Variants in TRAF2 observed in about 807,000 individuals in gnomAD.
TRAF2 encodes the protein TNF receptor associated factor 2, also known as TNF receptor-associated factor 2.
A neutral mutation model predicts 55.6 loss-of-function variants in TRAF2; 6 were observed. The ratio of observed to expected loss-of-function variants is 0.11; its 90% confidence interval spans 0.06 to 0.21. The LOEUF (loss-of-function observed/expected upper bound fraction) is 0.21, where lower values mean the gene tolerates loss of function less well. Among genes scored for constraint, TRAF2 ranks in the 10% least tolerant of loss-of-function variants. The pLI, the probability that TRAF2 is intolerant of heterozygous loss-of-function variation, is 1.00. For synonymous variants in TRAF2, 329 were observed against 276.3 expected (o/e 1.19, Z -1.89); for missense variants, 561 against 684.5 (o/e 0.82, Z 2.01).
intron 4 of TRAF2, among the ~76,000 whole-genome samples, chr9:136,905,098 G>A (rs550828399): frequency 1.8e-4 from 27 of 152,348 alleles, no homozygotes; most frequent in African/African-American, 6.3e-4. Context: ...CTCCCCTCTT[G>A]GGGGAAGTAG....
At chr9:136,916,432 C>A (rs1850242489) in intron 6 of TRAF2, 109 bp from the exon 7 acceptor site, 1 of 1,106,974 alleles carries the variant, frequency 9.0e-7, no homozygotes, top group Admixed American at 1.7e-5. Flanking sequence ...AGTGAAGAGG[C>A]CAACGGGGCA....
intron 4 of TRAF2, among the ~76,000 whole-genome samples, chr9:136,903,946 T>G (rs1352867238): frequency 6.6e-6 from 1 of 152,192 alleles, no homozygotes; most frequent in Non-Finnish European, 1.5e-5. Context: ...CCTCCCAAAG[T>G]GCTGGGATTA....
At chr9:136,922,336 C>G (rs1850406675) in intron 9 of TRAF2, 1 of 152,328 alleles carries the variant, frequency 6.6e-6, no homozygotes. Flanking sequence ...TCCTCCAGGG[C>G]TGGGAAAGTC....
At chr9:136,883,206 A>T (rs1849394591), upstream of TRAF2, among the ~76,000 whole-genome samples, 1 of 152,018 alleles carries the variant, frequency 6.6e-6, no homozygotes, top group Non-Finnish European at 1.5e-5. Flanking sequence ...ATCTTCTGGA[A>T]ACAGAGCAGT....
chr9:136,902,861 T>C (rs1434493060), intron 4 of TRAF2, among the ~76,000 whole-genome samples: 2 of 152,232 alleles, frequency 1.3e-5, no homozygotes, highest in Non-Finnish European at 2.9e-5. Context: ...AAGGCTGCCT[T>C]TCCTCCTTGA....
At chr9:136,905,302 GTC>G (rs1205436021) in intron 4 of TRAF2, among the ~76,000 whole-genome samples, 1 of 152,194 alleles carries the variant, frequency 6.6e-6, no homozygotes, top group Admixed American at 6.5e-5. Flanking sequence ...ATATGCTCTA[GTC>G]TCTCCTGTCT....
intron 6 of TRAF2, among the ~76,000 whole-genome samples, chr9:136,912,183 GAC>G (rs1382472201): frequency 2.1e-5 from 2 of 95,632 alleles, no homozygotes; most frequent in Non-Finnish European, 3.8e-5. Context: ...TTTTTTTGGA[GAC>G]AGAGTCTCAC....
At chr9:136,922,964 G>A (rs1034002556) in intron 9 of TRAF2, among the ~76,000 whole-genome samples, 1 of 151,856 alleles carries the variant, frequency 6.6e-6, no homozygotes, top group Non-Finnish European at 1.5e-5. Flanking sequence ...GGGGGCACGC[G>A]GTGGAGGACG....
Position 136,908,060 on chromosome 9 carries a change from T to G in TRAF2, c.367-10T>G, listed in dbSNP as rs760693897. The G allele has an allele frequency of 6.3e-7, 1 of 1,596,302 alleles. No individual in the cohort carries two copies. Among genetic ancestry groups the G allele is most frequent in the Non-Finnish European group, 8.5e-7 (1 of 1,176,002 alleles). ...CGAGTTCTACTGACGCTTCCTCCTT[T>G]CGTTGCTAGAGCTGCCACGAAGGCC... is the stretch of plus-strand genomic sequence containing the variant. On this transcript the variant is annotated splice_polypyrimidine_tract_variant and intron_variant, in intron 4 of 10. Coordinates refer to ENST00000247668, the MANE Select transcript of TRAF2 (RefSeq NM_021138.4).
chr9:136,904,378 A>G (rs1009652496), intron 4 of TRAF2, among the ~76,000 whole-genome samples: 13 of 151,950 alleles, frequency 8.6e-5, no homozygotes, highest in Non-Finnish European at 1.5e-4. Context: ...CCATTTTACT[A>G]TGTTTTAAAG....
In TRAF2 at chr9:136,925,817, C is replaced by T. The variant is rs201565826; in HGVS notation, c.1422C>T (p.Pro474=). 10 of 1,614,122 alleles carry T rather than the reference C, an allele frequency of 6.2e-6. No individual in the cohort carries two copies. Among genetic ancestry groups the T allele is most frequent in the East Asian group, 4.5e-5 (2 of 44,900 alleles). ...NIASGCPLFC[P]VSKMEAKNSY... ...CAAGCGGCTGCCCCCTCTTCTGCCC[C>T]GTCTCCAAGATGGAGGCAAAGAATT... Residue 474 remains proline (P), a synonymous_variant, in exon 11 of 11, where the codon CCC becomes CCT. Transcript: ENST00000247668.
intron 6 of TRAF2, among the ~76,000 whole-genome samples, chr9:136,912,905 G>A (rs1250055394): frequency 6.6e-6 from 1 of 152,152 alleles, no homozygotes; most frequent in Non-Finnish European, 1.5e-5. Context: ...AGCCAAGGCA[G>A]GTGGATCACC....
intron 5 of TRAF2, among the ~76,000 whole-genome samples, 195 bp from the exon 6 acceptor site, chr9:136,909,725 A>AGG (rs1304271458): frequency 6.6e-6 from 1 of 152,132 alleles, no homozygotes; most frequent in South Asian, 2.1e-4. Flanking sequence ...GAACAAACAA[A>AGG]GCGTTAAGAT....
chr9:136,892,043 A>G (rs1000158896), intron 1 of TRAF2, among the ~76,000 whole-genome samples: 12 of 152,022 alleles, frequency 7.9e-5, no homozygotes, highest in Non-Finnish European at 1.5e-4. Context: ...TACCCTAGCA[A>G]AACGATCCTT....
intron 4 of TRAF2, chr9:136,900,788 C>A: frequency 2.4e-6 from 1 of 425,450 alleles, no homozygotes; most frequent in Middle Eastern, 5.6e-4. Context: ...GGTTTCTTGT[C>A]TGTCGATGGG....
intron 5 of TRAF2, among the ~76,000 whole-genome samples, chr9:136,909,377 T>TCTCTCTGCCTCTGGGGCC (rs1397098606): frequency 9.8e-5 from 15 of 152,336 alleles, no homozygotes; most frequent in African/African-American, 3.6e-4. Context: ...TCTCTGGGTC[T>TCTCTCTGCCTCTGGGGCC]CTCTCTGCCT....
At chr9:136,884,700 G>A (rs184332653), upstream of TRAF2, among the ~76,000 whole-genome samples, 3 of 152,364 alleles carry the variant, frequency 2.0e-5, no homozygotes, top group African/African-American at 7.2e-5. Flanking sequence ...GGGACTACAG[G>A]TGTGCAGCAC....
chr9:136,908,632 C>G (rs1249782079), intron 5 of TRAF2, among the ~76,000 whole-genome samples: 1 of 150,078 alleles, frequency 6.7e-6, no homozygotes, highest in African/African-American at 2.5e-5. Context: ...TTTGGGAGGC[C>G]GAGGCGGGCA....
intron 6 of TRAF2, among the ~76,000 whole-genome samples, chr9:136,914,741 T>C (rs1850199884): frequency 6.6e-6 from 1 of 152,212 alleles, no homozygotes; most frequent in Non-Finnish European, 1.5e-5. Context: ...GAAGTTCTCT[T>C]TCTAGTTCTC....
Sources: allele counts gnomAD v4.1 joint callset (sites outside exome capture counted in the v4.1 genomes callset), GRCh38; gene constraint gnomAD v4.1.1; transcripts MANE v1.5; gene names NCBI Gene and HGNC (gene_info 2026-07-23, HGNC 2026-07-21).